Variants in PCDH11X observed in about 807,000 individuals in gnomAD.
PCDH11X encodes the protein protocadherin-11 X-linked.
Under a neutral mutation model 53.3 loss-of-function variants are expected in PCDH11X, and 18 were observed. That is an observed-to-expected ratio of 0.34 (90% CI 0.23 to 0.50). The LOEUF is 0.50. Among genes scored for constraint, PCDH11X ranks in the 20% least tolerant of loss-of-function variants. The pLI is 0.98. For missense variants in PCDH11X, 570 were observed against 1,032.4 expected (o/e 0.55, Z 6.14); for synonymous variants, 279 against 393.3 (o/e 0.71, Z 3.44).
At chrX:92,105,121 C>T (rs915231205) in intron 6 of PCDH11X, among the ~76,000 whole-genome samples, 19 of 111,446 alleles carry the variant, frequency 1.7e-4, no homozygotes, top group Non-Finnish European at 3.4e-4. Flanking sequence ...GTGACCGGCA[C>T]CGGAGTTTTG....
intron 6 of PCDH11X, among the ~76,000 whole-genome samples, chrX:92,169,428 A>T: frequency 1.5e-5 from 1 of 66,290 alleles, no homozygotes. Flanking sequence ...AGACTGAAAC[A>T]CAGGAGAGTT....
At chrX:91,850,561 ATTATCATCCTT>A (rs1300397529) in intron 5 of PCDH11X, among the ~76,000 whole-genome samples, 2 of 111,718 alleles carry the variant, frequency 1.8e-5, no homozygotes, top group East Asian at 5.6e-4. Context: ...ATATTGCTCA[ATTATCATCCTT>A]TTATCATAGC....
chrX:91,807,089 C>T (rs1300199802), intron 1 of PCDH11X, among the ~76,000 whole-genome samples: 1 of 104,375 alleles, frequency 9.6e-6, no homozygotes, highest in Non-Finnish European at 1.9e-5. Context: ...CCCATAATTC[C>T]AGTGTTTTGG....
In PCDH11X at chrX:92,349,681, A is replaced by G. The variant is rs781049841; in HGVS notation, c.3145-38054A>G. Reference sequence around the variant, plus strand: ...TGATTTTTTGACTTTATGATGGTGCAAAAGTAATCCACATTCAGCATAAAT... The same window carrying G: ...TGATTTTTTGACTTTATGATGGTGCGAAAGTAATCCACATTCAGCATAAAT... On this transcript the variant is annotated intron_variant, in intron 8 of 10. Transcript: ENST00000682573. Among the ~76,000 whole-genome samples, 266 of 111,255 alleles carry G rather than the reference A, an allele frequency of 2.4e-3. 2 individuals are homozygous for G. Among genetic ancestry groups the G allele is most frequent in the African/African-American group, 8.6e-3 (264 of 30,537 alleles).
At chrX:92,181,710 C>T (rs1193760943) in intron 6 of PCDH11X, among the ~76,000 whole-genome samples, 1 of 112,616 alleles carries the variant, frequency 8.9e-6, no homozygotes, top group Non-Finnish European at 1.9e-5. Flanking sequence ...GGCATGGCTT[C>T]AGAGGGTGCA....
chrX:92,308,160 A>C (rs910216957), intron 8 of PCDH11X, among the ~76,000 whole-genome samples: 2 of 108,017 alleles, frequency 1.9e-5, no homozygotes, highest in African/African-American at 6.7e-5. Context: ...CATCCTAAGA[A>C]TGATATGGAA....
At chrX:91,875,437 C>T (rs1233132038) in intron 5 of PCDH11X, among the ~76,000 whole-genome samples, 2 of 106,707 alleles carry the variant, frequency 1.9e-5, no homozygotes, top group Admixed American at 9.9e-5. Context: ...CGCCCGCCAC[C>T]ACGCCAGGCT....
rs910986563 is a variant in PCDH11X, at chrX:92,492,681, A to G, written c.3367+24359A>G. On this transcript the variant is annotated intron_variant, in intron 10 of 10. Coordinates refer to ENST00000682573, the MANE Select transcript of PCDH11X (RefSeq NM_032968.5). ...GTGTTTCAGATCCATCTCTGTGTAC[A>G]AAAAGGAATGGAATGTACTTTGTCG... Among the ~76,000 whole-genome samples, 3 of 108,954 alleles carry G rather than the reference A, an allele frequency of 2.8e-5. No individual in the cohort carries two copies. The Admixed American group carries it at 3.0e-4, about 11-fold the overall frequency. The allele number at this position is 108,954 out of a possible 115,157, so 94.6% of individuals were successfully genotyped here.
intron 6 of PCDH11X, among the ~76,000 whole-genome samples, chrX:92,181,501 A>C (rs993811926): frequency 8.9e-6 from 1 of 111,866 alleles, no homozygotes; most frequent in Non-Finnish European, 1.9e-5. Context: ...GTTAATCCCC[A>C]AGACAGTGGG....
intron 8 of PCDH11X, among the ~76,000 whole-genome samples, chrX:92,330,776 C>T (rs1286998540): frequency 1.8e-5 from 2 of 108,580 alleles, no homozygotes; most frequent in Admixed American, 2.0e-4. Context: ...GAGGAATATG[C>T]ATATAATTAT....
At position 92,189,629 on chromosome X, in the gene PCDH11X, G is replaced by A. The variant is rs145789947; in HGVS notation, c.3034-11746G>A. 8.3e-3 allele frequency among the ~76,000 whole-genome samples: 932 copies of A among 111,634 alleles called. 9 individuals carry two copies. Among genetic ancestry groups the A allele is most frequent in the Non-Finnish European group, 0.013 (672 of 53,100 alleles). ...GGTATTTCTGGTTCTAAATTTTTGA[G>A]GAATTGCCACACTGTCTTCCACAAT... is the stretch of plus-strand genomic sequence containing the variant. On this transcript the variant is annotated intron_variant, in intron 6 of 10. Coordinates refer to ENST00000682573, the MANE Select transcript of PCDH11X (RefSeq NM_032968.5).
intron 6 of PCDH11X, among the ~76,000 whole-genome samples, chrX:92,008,197 G>A (rs1353240544): frequency 9.0e-6 from 1 of 110,570 alleles, no homozygotes; most frequent in African/African-American, 3.3e-5. Flanking sequence ...TCTGTCTCTG[G>A]GCCTAGTTCA....
At chrX:92,514,916 G>A (rs1057386852) in intron 10 of PCDH11X, among the ~76,000 whole-genome samples, 4 of 104,631 alleles carry the variant, frequency 3.8e-5, no homozygotes, top group Admixed American at 1.0e-4. Flanking sequence ...GCGTGGTGGC[G>A]GGTGCCTGTA....
intron 8 of PCDH11X, among the ~76,000 whole-genome samples, chrX:92,386,391 T>C (rs867507403): frequency 9.0e-6 from 1 of 110,730 alleles, no homozygotes; most frequent in African/African-American, 3.3e-5. Context: ...TTAAATAAAT[T>C]ATACCTAATT....
intron 9 of PCDH11X, among the ~76,000 whole-genome samples, chrX:92,435,707 A>G (rs1333316008): frequency 1.8e-5 from 2 of 111,489 alleles, no homozygotes; most frequent in East Asian, 5.6e-4. Context: ...TAAGGGAAGG[A>G]GAAATAAGGT....
chrX:92,378,829 C>T (rs1269101777), intron 8 of PCDH11X, among the ~76,000 whole-genome samples: 1 of 113,007 alleles, frequency 8.8e-6, no homozygotes, highest in Non-Finnish European at 1.9e-5. Context: ...CAAAGGCCAA[C>T]TTCCAGATGC....
intron 6 of PCDH11X, among the ~76,000 whole-genome samples, chrX:91,894,087 C>G (rs1174156743): frequency 4.5e-5 from 5 of 111,938 alleles, no homozygotes; most frequent in Non-Finnish European, 9.4e-5. Context: ...TCAGGAGATT[C>G]TTAACGCCAG....
At chrX:92,084,991 G>C (rs781259176) in intron 6 of PCDH11X, among the ~76,000 whole-genome samples, 121 of 110,142 alleles carry the variant, frequency 1.1e-3, no homozygotes, top group Non-Finnish European at 1.9e-3. Flanking sequence ...AAAAACTTTA[G>C]AGAAATTAAA....
At chrX:92,123,291 G>C (rs1326875476) in intron 6 of PCDH11X, among the ~76,000 whole-genome samples, 1 of 111,298 alleles carries the variant, frequency 9.0e-6, no homozygotes, top group African/African-American at 3.3e-5. Flanking sequence ...TCACAATCTA[G>C]TGATTTTTGT....
Sources: allele counts gnomAD v4.1 joint callset (sites outside exome capture counted in the v4.1 genomes callset), GRCh38; gene constraint gnomAD v4.1.1; transcripts MANE v1.5; gene names NCBI Gene and HGNC (gene_info 2026-07-23, HGNC 2026-07-21).